The following GRB14 variants were observed in gnomAD, a reference collection of about 807,000 sequenced individuals.
GRB14 encodes growth factor receptor bound protein 14, also known as growth factor receptor-bound protein 14.
GRB14 carries 38 observed loss-of-function variants against 69.1 expected under a neutral mutation model. The ratio of observed to expected loss-of-function variants is 0.55; its 90% CI spans 0.42 to 0.72. GRB14 has a LOEUF of 0.72. Ranked by LOEUF, GRB14 falls within the 30% of genes least tolerant of loss-of-function variation. GRB14 has a pLI of 0.00. For missense variants in GRB14, 666 were observed against 666.1 expected (o/e 1.00, Z 0.00); for synonymous variants, 247 against 241.3 (o/e 1.02, Z -0.22).
At chr2:164,494,651 G>T in intron 12 of GRB14, 127 bp from the exon 13 acceptor site, 1 of 691,084 alleles carries the variant, frequency 1.4e-6, no homozygotes, top group South Asian at 1.6e-5. Context: ...TGTATTCAAT[G>T]GGTGGGATTA....
chr2:164,502,263 ATAT>A lies in GRB14; in HGVS notation c.1093_1095del (p.Ile365del), dbSNP rs1687076015. 1 of 1,590,744 alleles carries A rather than the reference ATAT, an allele frequency of 6.3e-7. No individual in the cohort carries two copies. Among genetic ancestry groups the A allele is most frequent in the Non-Finnish European group, 8.6e-7 (1 of 1,159,896 alleles). On this transcript the variant is annotated inframe_deletion, in exon 9 of 14. Transcript: ENST00000263915. ...AAAAATTTGGTCCTTACCATAGGTG[ATAT>A]GCTCTGTGAACTGCAGCCACTTCTA...
chr2:164,567,607 T>C (rs989649440), intron 2 of GRB14, among the ~76,000 whole-genome samples: 3 of 152,160 alleles, frequency 2.0e-5, no homozygotes, highest in Admixed American at 6.5e-5. Context: ...TTTGGAGAGT[T>C]ACAAGAAAAG....
In GRB14 at chr2:164,600,273, T is replaced by A. The variant is rs558555280; in HGVS notation, c.324+19414A>T. Among the ~76,000 whole-genome samples, 157 of 152,336 alleles carry A rather than the reference T, an allele frequency of 1.0e-3. 1 individual carries two copies. The highest frequency in any genetic ancestry group is 3.7e-3 in the African/African-American group (155 of 41,574). On this transcript the variant is annotated intron_variant, in intron 2 of 13. Coordinates refer to ENST00000263915, the MANE Select transcript of GRB14 (RefSeq NM_004490.3). ...GAGGTTGTTTGTTAAACAATAAATA[T>A]ACTTTAATTTTAAAAGCAATGCAAT... is the stretch of plus-strand genomic sequence containing the variant.
At chr2:164,593,967 A>G (rs1347024338) in intron 2 of GRB14, among the ~76,000 whole-genome samples, 1 of 152,252 alleles carries the variant, frequency 6.6e-6, no homozygotes, top group African/African-American at 2.4e-5. Flanking sequence ...ACAAAAGAGC[A>G]TAATCATAAC....
intron 8 of GRB14, among the ~76,000 whole-genome samples, chr2:164,503,615 G>A (rs1416760134): frequency 6.6e-6 from 1 of 151,954 alleles, no homozygotes; most frequent in Non-Finnish European, 1.5e-5. Flanking sequence ...TTTAATTTAA[G>A]GTTTGATTGA....
At chr2:164,517,397 A>C (rs1687520198) in intron 6 of GRB14, among the ~76,000 whole-genome samples, 1 of 152,208 alleles carries the variant, frequency 6.6e-6, no homozygotes, top group African/African-American at 2.4e-5. Flanking sequence ...CTTACAAAAA[A>C]AGAATAAAGC....
intron 3 of GRB14, among the ~76,000 whole-genome samples, chr2:164,546,182 A>G (rs534056049): frequency 3.5e-4 from 53 of 152,322 alleles, no homozygotes; most frequent in Admixed American, 1.2e-3. Flanking sequence ...TAAAATTCCC[A>G]TAGATCTTTA....
At chr2:164,546,189 T>A (rs1401170861) in intron 3 of GRB14, among the ~76,000 whole-genome samples, 1 of 152,226 alleles carries the variant, frequency 6.6e-6, no homozygotes, top group East Asian at 1.9e-4. Flanking sequence ...CCCATAGATC[T>A]TTAAATGAAG....
chr2:164,529,778 A>C (rs576371597), intron 3 of GRB14, among the ~76,000 whole-genome samples: 1 of 152,350 alleles, frequency 6.6e-6, no homozygotes, highest in South Asian at 2.1e-4. Flanking sequence ...ATAGCATAGC[A>C]AACCTCCTAA....
chr2:164,616,720 T>C (rs377727602), intron 2 of GRB14, among the ~76,000 whole-genome samples: 22 of 152,334 alleles, frequency 1.4e-4, no homozygotes, highest in African/African-American at 5.3e-4. Context: ...TTTCTGGTCA[T>C]TGATTTGTAA....
At chr2:164,605,908 G>GAAAAAAAA (rs1690029947) in intron 2 of GRB14, among the ~76,000 whole-genome samples, 1 of 152,074 alleles carries the variant, frequency 6.6e-6, no homozygotes, top group African/African-American at 2.4e-5. Flanking sequence ...CCACAGAAAT[G>GAAAAAAAA]AAAACTACAC....
chr2:164,580,977 C>A (rs1262340617), intron 2 of GRB14, among the ~76,000 whole-genome samples: 2 of 152,180 alleles, frequency 1.3e-5, no homozygotes, highest in Admixed American at 6.5e-5. Flanking sequence ...TGAAAACATG[C>A]TCTAGTTGTT....
chr2:164,516,763 G>T (rs1574261675), intron 6 of GRB14, among the ~76,000 whole-genome samples: 1 of 152,248 alleles, frequency 6.6e-6, no homozygotes, highest in East Asian at 1.9e-4. Flanking sequence ...CCTCTTTAAA[G>T]AATAAATCTC....
At chr2:164,505,805 G>A (rs1251649778) in intron 8 of GRB14, among the ~76,000 whole-genome samples, 11 of 152,092 alleles carry the variant, frequency 7.2e-5, no homozygotes, top group Admixed American at 7.2e-4. Context: ...AACAAAAATT[G>A]TAAGTGATAT....
chr2:164,527,696 C>G (rs1267193498), intron 3 of GRB14, among the ~76,000 whole-genome samples: 5 of 151,614 alleles, frequency 3.3e-5, no homozygotes, highest in African/African-American at 9.7e-5. Flanking sequence ...TTTTAAGAAG[C>G]CCAATTCCTT....
chr2:164,549,261 T>C (rs900034377), intron 2 of GRB14, among the ~76,000 whole-genome samples: 7 of 152,204 alleles, frequency 4.6e-5, no homozygotes, highest in African/African-American at 1.7e-4. Context: ...TATTAACCCT[T>C]ATAATTACAT....
At chr2:164,559,245 T>A (rs1688759505) in intron 2 of GRB14, among the ~76,000 whole-genome samples, 1 of 152,086 alleles carries the variant, frequency 6.6e-6, no homozygotes. Context: ...CATTTTGTAA[T>A]TTTACTTTTC....
At chr2:164,590,461 G>A (rs1041596069) in intron 2 of GRB14, among the ~76,000 whole-genome samples, 8 of 152,262 alleles carry the variant, frequency 5.3e-5, no homozygotes, top group Non-Finnish European at 7.4e-5. Context: ...ACATACTTAC[G>A]TGGATGTATC....
chr2:164,594,309 T>C (rs899255390), intron 2 of GRB14, among the ~76,000 whole-genome samples: 1 of 152,242 alleles, frequency 6.6e-6, no homozygotes, highest in Non-Finnish European at 1.5e-5. Context: ...GACTTATTTC[T>C]GGACTACTTA....
Sources: gnomAD v4.1 joint callset for allele counts (sites outside exome capture counted in the v4.1 genomes callset) on GRCh38, gnomAD v4.1.1 for gene constraint, MANE v1.5 for transcripts, NCBI Gene and HGNC (gene_info 2026-07-23, HGNC 2026-07-21) for gene names.